LRRN1: variants seen among roughly 807,000 people sequenced by gnomAD.
LRRN1 encodes the protein leucine rich repeat neuronal 1, also known as leucine-rich repeat neuronal protein 1.
LRRN1 carries 14 observed loss-of-function variants against 45.8 expected under a neutral mutation model. That is an observed-to-expected ratio of 0.31 (90% confidence interval 0.20 to 0.48). The LOEUF (loss-of-function observed/expected upper bound fraction) is 0.48. LRRN1 is among the 20% of genes least tolerant of loss of function. The pLI is 0.99. For synonymous variants in LRRN1, 359 were observed against 330.1 expected (o/e 1.09, Z -0.95); for missense variants, 789 against 874.2 (o/e 0.90, Z 1.23).
At chr3:3,834,725 C>T (rs1444206776) in intron 1 of LRRN1, among the ~76,000 whole-genome samples, 1 of 151,020 alleles carries the variant, frequency 6.6e-6, no homozygotes, top group African/African-American at 2.4e-5. Context: ...AACTGAAGAA[C>T]TTGGAGTCTG....
chr3:3,836,559 T>G (rs1693519409), intron 1 of LRRN1, among the ~76,000 whole-genome samples: 1 of 151,340 alleles, frequency 6.6e-6, no homozygotes, highest in Non-Finnish European at 1.5e-5. Flanking sequence ...CACATTTTCG[T>G]GTGTGTGTGT....
At chr3:3,841,270 G>A (rs1367471465) in intron 1 of LRRN1, among the ~76,000 whole-genome samples, 8 of 126,186 alleles carry the variant, frequency 6.3e-5, no homozygotes, top group Non-Finnish European at 1.1e-4. Context: ...CAGCCTGGGC[G>A]ACAGAGCGAG....
chr3:3,837,284 T>G (rs1308730831), intron 1 of LRRN1, among the ~76,000 whole-genome samples: 4 of 152,112 alleles, frequency 2.6e-5, no homozygotes, highest in Non-Finnish European at 4.4e-5. Flanking sequence ...GACTACATAC[T>G]AAGTCCTTGA....
At chr3:3,836,556 TCGTG>T (rs1008449138) in intron 1 of LRRN1, among the ~76,000 whole-genome samples, 12 of 152,222 alleles carry the variant, frequency 7.9e-5, no homozygotes, top group African/African-American at 2.9e-4. Context: ...CACCACATTT[TCGTG>T]TGTGTGTGTT....
chr3:3,824,749 C>T (rs1015964350), intron 1 of LRRN1, among the ~76,000 whole-genome samples: 2 of 152,136 alleles, frequency 1.3e-5, no homozygotes, highest in African/African-American at 4.8e-5. Context: ...GTAGACCCTG[C>T]CCTCGTGGCA....
rs1693834729 is a variant in LRRN1, at chr3:3,848,967, G to A, written c.*2175G>A. Among the ~76,000 whole-genome samples, 1 of 152,182 alleles carries A rather than the reference G, an allele frequency of 6.6e-6. No homozygotes were observed. Among genetic ancestry groups the A allele is most frequent in the Admixed American group, 6.5e-5 (1 of 15,272 alleles). The stretch of plus-strand genomic sequence containing the variant: ...CTGTTAGTATTGCAAAGTATGTATG[G>A]GAAACACAGAGAATTGGAGCTGCGT... On this transcript the variant is annotated 3_prime_UTR_variant, in exon 2 of 2. Coordinates refer to ENST00000319331, the MANE Select transcript of LRRN1 (RefSeq NM_020873.7).
intron 1 of LRRN1, among the ~76,000 whole-genome samples, chr3:3,830,370 C>T (rs904736390): frequency 2.6e-5 from 4 of 152,362 alleles, no homozygotes; most frequent in South Asian, 2.1e-4. Flanking sequence ...TCGGTATATA[C>T]TCACACATCT....
chr3:3,825,430 A>T (rs1167412415), intron 1 of LRRN1, among the ~76,000 whole-genome samples: 1 of 152,208 alleles, frequency 6.6e-6, no homozygotes, highest in Non-Finnish European at 1.5e-5. Context: ...ACTTGTATCC[A>T]TCCCCTTCTT....
At chr3:3,822,898 C>T (rs560163242) in intron 1 of LRRN1, 1 of 152,220 alleles carries the variant, frequency 6.6e-6, no homozygotes, top group East Asian at 1.9e-4. Flanking sequence ...TGCTGTGCAC[C>T]TGTATATAAT....
chr3:3,846,360 G>A lies in LRRN1; in HGVS notation c.1719G>A (p.Arg573=), dbSNP rs755509706. 5 of 1,613,716 alleles carry A rather than the reference G, an allele frequency of 3.1e-6. No homozygotes were observed. The East Asian group carries it at 8.9e-5, about 29-fold the overall frequency. Reference sequence around the variant, plus strand: ...ACCCTCACATAACATATACTGCCAGGGTCCCAGTCGATGTCCATGAATACA... The same window carrying A: ...ACCCTCACATAACATATACTGCCAGAGTCCCAGTCGATGTCCATGAATACA... ...IDNPHITYTA[R]VPVDVHEYNL... is the part of the protein sequence containing the mutation. Residue 573 remains arginine (R), a synonymous_variant, in exon 2 of 2, where the codon AGG becomes AGA. Coordinates refer to ENST00000319331, the MANE Select transcript of LRRN1 (RefSeq NM_020873.7). The surrounding 1 kb of genome is among the most constrained non-coding windows in gnomAD (Gnocchi z 5.7).
intron 1 of LRRN1, among the ~76,000 whole-genome samples, chr3:3,842,573 A>C (rs967500011): frequency 6.6e-6 from 1 of 152,180 alleles, no homozygotes; most frequent in Non-Finnish European, 1.5e-5. Flanking sequence ...ACGTTTTACA[A>C]AGTCGAAAGG....
At chr3:3,828,600 C>G (rs75074383) in intron 1 of LRRN1, among the ~76,000 whole-genome samples, 1 of 152,054 alleles carries the variant, frequency 6.6e-6, no homozygotes, top group Non-Finnish European at 1.5e-5. Context: ...CTCCTGAGAT[C>G]ATACATTACC....
rs181501372 is a variant in LRRN1, at chr3:3,802,285, T to C, written c.-279+2366T>C. Among the ~76,000 whole-genome samples, 1,424 of 152,316 alleles carry C rather than the reference T, an allele frequency of 9.3e-3. 23 individuals carry two copies. Among genetic ancestry groups the C allele is most frequent in the African/African-American group, 0.031 (1,270 of 41,570 alleles). ...ACAGCTGAACAAAAGGCAGGCAGTG[T>C]GGGCCGCACGTGAGGCAGGCGATTA... On this transcript the variant is annotated intron_variant, in intron 1 of 1. Coordinates refer to ENST00000319331, the MANE Select transcript of LRRN1 (RefSeq NM_020873.7).
At chr3:3,834,533 T>TATATATATATATATATATATATATC (rs1559302637) in intron 1 of LRRN1, among the ~76,000 whole-genome samples, 5 of 105,000 alleles carry the variant, frequency 4.8e-5, no homozygotes, top group African/African-American at 1.8e-4. Context: ...AGGATATATA[T>TATATATATATATATATATATATATC]ATATATATAT....
chr3:3,823,036 G>C (rs931271159), intron 1 of LRRN1: 2 of 152,106 alleles, frequency 1.3e-5, no homozygotes, highest in Admixed American at 1.3e-4. Flanking sequence ...GGATATTTCT[G>C]TGGCACCCAA....
chr3:3,819,195 C>T lies in LRRN1; in HGVS notation c.-279+19276C>T, dbSNP rs140368160. On this transcript the variant is annotated intron_variant, in intron 1 of 1. Coordinates refer to ENST00000319331, the MANE Select transcript of LRRN1 (RefSeq NM_020873.7). ...TAGGGATGGGATCTCGCTATGTTAG[C>T]AGGCTGGTCTTGAACTCCTGGGCTC... Among the ~76,000 whole-genome samples the T allele has an allele frequency of 1.1e-4, 17 of 152,136 alleles. No homozygotes were observed. In the East Asian group the frequency reaches 3.1e-3, roughly 28 times the overall value.
rs1222431855 is a variant in LRRN1, at chr3:3,816,175, C to T, written c.-279+16256C>T. Among the ~76,000 whole-genome samples, 1 of 152,140 alleles carries T rather than the reference C, an allele frequency of 6.6e-6. No individual in the cohort carries two copies. The highest frequency in any genetic ancestry group is 1.5e-5 in the Non-Finnish European group (1 of 68,006). On this transcript the variant is annotated intron_variant, in intron 1 of 1. Transcript: ENST00000319331. This position sits in a 1 kb window ranked among gnomAD's most constrained non-coding sequence, Gnocchi z 4.0. The stretch of plus-strand genomic sequence containing the variant: ...GATTTATAATGCATTTTAATGTTCT[C>T]AGCTGTTCCTTTGCACCATATGATT...
chr3:3,844,314 G>A (rs1693708141), intron 1 of LRRN1, 50 bp from the exon 2 acceptor site: 3 of 210,816 alleles, frequency 1.4e-5, no homozygotes, highest in Non-Finnish European at 2.8e-5. Flanking sequence ...AGGCTATAAT[G>A]TAGAAAGTAT....
At position 3,846,581 on chromosome 3, in the gene LRRN1, C is replaced by T. The variant is rs771119775; in HGVS notation, c.1940C>T (p.Ser647Phe). 26 of 1,614,126 alleles carry T rather than the reference C, an allele frequency of 1.6e-5. No homozygotes were observed. Among genetic ancestry groups the T allele is most frequent in the African/African-American group, 2.7e-5 (2 of 75,030 alleles). ...GSMFAVISLA[S>F]IAVYFAKRFK... ...ATGTTTGCCGTCATTAGCCTTGCGT[C>T]CATTGCTGTGTACTTTGCCAAAAGA... is the stretch of plus-strand genomic sequence containing the variant. The change falls in exon 2 of 2, where the codon TCC (serine) becomes TTC (phenylalanine). Residue 647 changes from serine to phenylalanine, a missense_variant. Ser to Phe is a radical substitution (Grantham distance 155). Coordinates refer to ENST00000319331, the MANE Select transcript of LRRN1 (RefSeq NM_020873.7). This position sits in a 1 kb window ranked among gnomAD's most constrained non-coding sequence, Gnocchi z 5.7.
Sources: allele counts gnomAD v4.1 joint callset (sites outside exome capture counted in the v4.1 genomes callset), GRCh38; gene constraint gnomAD v4.1.1; non-coding constraint Gnocchi (gnomAD v3.1); transcripts MANE v1.5; gene names NCBI Gene and HGNC (gene_info 2026-07-23, HGNC 2026-07-21).